The following TRIM9 variants were observed in gnomAD, a reference collection of about 807,000 sequenced individuals.
The protein encoded by TRIM9 is E3 ubiquitin-protein ligase TRIM9.
TRIM9 carries 26 observed loss-of-function variants against 78.3 expected under a neutral mutation model. The observed-to-expected ratio is 0.33, with a 90% CI of 0.24 to 0.46. The LOEUF is 0.46. Among genes scored for constraint, TRIM9 ranks in the 20% least tolerant of loss-of-function variants. TRIM9 has a pLI of 1.00. For synonymous variants in TRIM9, 398 were observed against 416.5 expected (o/e 0.96, Z 0.54); for missense variants, 787 against 1,036.4 (o/e 0.76, Z 3.30).
At chr14:51,038,741 C>T (rs1296908397) in intron 1 of TRIM9, among the ~76,000 whole-genome samples, 1 of 152,228 alleles carries the variant, frequency 6.6e-6, no homozygotes, top group Non-Finnish European at 1.5e-5. Flanking sequence ...TCAACAGCCC[C>T]TCCTGCCAAT....
intron 1 of TRIM9, 63 bp from the exon 2 acceptor site, chr14:51,025,423 A>C: frequency 6.9e-7 from 1 of 1,453,294 alleles, no homozygotes; most frequent in Non-Finnish European, 9.6e-7. Context: ...AAGGCCAGCG[A>C]GACTCAAAAC....
intron 7 of TRIM9, among the ~76,000 whole-genome samples, chr14:50,988,574 CTTTT>C (rs67154650): frequency 1.9e-3 from 259 of 138,246 alleles, no homozygotes; most frequent in Non-Finnish European, 2.9e-3. Context: ...ACAACCATTT[CTTTT>C]TTTTTTTTTT....
At chr14:51,031,886 A>G (rs1322485612) in intron 1 of TRIM9, among the ~76,000 whole-genome samples, 1 of 150,624 alleles carries the variant, frequency 6.6e-6, no homozygotes, top group East Asian at 1.9e-4. Flanking sequence ...AAGCCAGCAC[A>G]TCTCTCATAT....
chr14:50,986,103 A>G lies in TRIM9; in HGVS notation c.1645T>C (p.Ser549Pro). ...EEQTLPFPVPSERLPLRRMSP... is the reference protein window; with the variant it reads ...EEQTLPFPVPPERLPLRRMSP... ...ATTCTACGGAGCGGCAATCTTTCCG[A>G]AGGCACTGGAAAAGGGAGGGTCTGT... is the stretch of plus-strand genomic sequence containing the variant. The change falls in exon 8 of 13, where the codon TCG becomes CCG. Residue 549 changes from serine (S) to proline (P), a missense_variant. Physicochemically the swap from Ser to Pro is moderately conservative, Grantham distance 74. Transcript: ENST00000684578. 1 of 1,544,290 alleles carries G rather than the reference A, an allele frequency of 6.5e-7. No individual in the cohort carries two copies. The highest frequency in any genetic ancestry group is 8.7e-7 in the Non-Finnish European group (1 of 1,143,690).
intron 1 of TRIM9, among the ~76,000 whole-genome samples, chr14:51,089,699 A>G (rs972355302): frequency 5.3e-5 from 8 of 152,168 alleles, no homozygotes; most frequent in African/African-American, 1.9e-4. Context: ...CTTGAGCTTA[A>G]TTCAACTGAA....
At chr14:50,991,374 T>C (rs1292994247) in intron 7 of TRIM9, among the ~76,000 whole-genome samples, 1 of 152,208 alleles carries the variant, frequency 6.6e-6, no homozygotes, top group East Asian at 1.9e-4. Context: ...TTTTCTGGGC[T>C]CTGAAACCTA....
At chr14:51,060,543 T>G (rs537724578) in intron 1 of TRIM9, among the ~76,000 whole-genome samples, 2 of 152,304 alleles carry the variant, frequency 1.3e-5, no homozygotes, top group South Asian at 4.2e-4. Flanking sequence ...CTCGGCTGAC[T>G]GCAAGCTCCA....
intron 1 of TRIM9, among the ~76,000 whole-genome samples, chr14:51,088,373 T>C (rs1234710311): frequency 6.6e-6 from 1 of 152,214 alleles, no homozygotes; most frequent in Non-Finnish European, 1.5e-5. Flanking sequence ...TGATACAATA[T>C]ACAATGTGAA....
intron 1 of TRIM9, among the ~76,000 whole-genome samples, chr14:51,050,383 T>C (rs553782248): frequency 1.9e-4 from 29 of 152,228 alleles, no homozygotes; most frequent in Non-Finnish European, 3.7e-4. Context: ...TTTCACTTGG[T>C]TCTCATTGCC....
chr14:51,023,055 G>C, intron 2 of TRIM9, 98 bp from the exon 3 acceptor site: 1 of 1,501,638 alleles, frequency 6.7e-7, no homozygotes, highest in Non-Finnish European at 9.0e-7. Flanking sequence ...GAATGAAAAG[G>C]AACTCTGTCC....
At chr14:51,040,698 G>A (rs2059518679) in intron 1 of TRIM9, among the ~76,000 whole-genome samples, 1 of 151,174 alleles carries the variant, frequency 6.6e-6, no homozygotes, top group South Asian at 2.1e-4. Context: ...GTGTGTAGAT[G>A]TGCATGGTTT....
At chr14:51,076,207 A>G (rs527590892) in intron 1 of TRIM9, among the ~76,000 whole-genome samples, 3 of 152,314 alleles carry the variant, frequency 2.0e-5, no homozygotes, top group African/African-American at 7.2e-5. Flanking sequence ...ACTCAAGAGG[A>G]AGAAGTTGAG....
chr14:51,078,887 T>C (rs1035400766), intron 1 of TRIM9, among the ~76,000 whole-genome samples: 1 of 152,176 alleles, frequency 6.6e-6, no homozygotes, highest in African/African-American at 2.4e-5. Context: ...AATAAGTAGA[T>C]TTTAGCTGCT....
Position 50,997,009 on chromosome 14 carries a change from C to T in TRIM9, c.1603+1041G>A, listed in dbSNP as rs181978056. 1.6e-3 allele frequency: 1,528 copies of T among 985,324 alleles called. 6 individuals carry two copies. The highest frequency in any genetic ancestry group is 7.8e-3 in the South Asian group (167 of 21,276). The allele number at this position is 985,324 out of a possible 1,614,324, so 61.0% of individuals were successfully genotyped here. A position where few individuals can be genotyped will look rare whatever the true frequency, so the allele number is the denominator to read the frequency against. On this transcript the variant is annotated intron_variant, in intron 7 of 12. Coordinates refer to ENST00000684578, the MANE Select transcript of TRIM9 (RefSeq NM_001387360.1). ...GGTTTGTGGGAAGTGGGAAAAAAAA[C>T]ACCACCATAGTTCTTTTAGCTAACA...
At chr14:51,007,187 G>T (rs2055922774) in intron 5 of TRIM9, among the ~76,000 whole-genome samples, 2 of 152,128 alleles carry the variant, frequency 1.3e-5, no homozygotes, top group East Asian at 1.9e-4. Flanking sequence ...TTCACCAAAA[G>T]CCTTTCTATT....
chr14:51,045,088 A>G (rs912171125), intron 1 of TRIM9, among the ~76,000 whole-genome samples: 2 of 152,076 alleles, frequency 1.3e-5, no homozygotes, highest in Non-Finnish European at 1.5e-5. Context: ...ATAGTCTGAC[A>G]TTGTCGGGAG....
intron 1 of TRIM9, among the ~76,000 whole-genome samples, chr14:51,085,670 G>A (rs949533789): frequency 6.6e-6 from 1 of 152,294 alleles, no homozygotes; most frequent in Admixed American, 6.5e-5. Flanking sequence ...TAAATGTTTA[G>A]ATGTGTAGAA....
At chr14:51,016,456 C>A (rs567065078) in intron 3 of TRIM9, among the ~76,000 whole-genome samples, 1 of 151,720 alleles carries the variant, frequency 6.6e-6, no homozygotes, top group South Asian at 2.1e-4. Context: ...ATCCCAGAAC[C>A]ATTCCCCCCC....
intron 1 of TRIM9, among the ~76,000 whole-genome samples, chr14:51,051,216 T>C (rs1365841840): frequency 6.6e-6 from 1 of 152,230 alleles, no homozygotes. Flanking sequence ...ACCTTCGTTG[T>C]TCCTGAAAAT....
Sources: allele counts gnomAD v4.1 joint callset (sites outside exome capture counted in the v4.1 genomes callset), GRCh38; gene constraint gnomAD v4.1.1; transcripts MANE v1.5; gene names NCBI Gene and HGNC (gene_info 2026-07-23, HGNC 2026-07-21).